ADGRL2: variants seen among roughly 807,000 people sequenced by gnomAD.
The protein encoded by ADGRL2 is calcium-independent alpha-latrotoxin receptor 2.
Under a neutral mutation model 157.4 loss-of-function variants are expected in ADGRL2, and 44 were observed. The observed-to-expected ratio is 0.28, with a 90% confidence interval of 0.22 to 0.36. ADGRL2 has a LOEUF of 0.36. Ranked by LOEUF, ADGRL2 falls within the 10% of genes least tolerant of loss-of-function variation. The pLI, the probability that ADGRL2 is intolerant of heterozygous loss-of-function variation, is 1.00. For missense variants in ADGRL2, 1,510 were observed against 1,768.9 expected (o/e 0.85, Z 2.63); for synonymous variants, 585 against 624.7 (o/e 0.94, Z 0.95).
At chr1:81,912,374 T>G (rs528152072) in intron 3 of ADGRL2, among the ~76,000 whole-genome samples, 1 of 152,288 alleles carries the variant, frequency 6.6e-6, no homozygotes, top group Non-Finnish European at 1.5e-5. Context: ...ACCCAGCCTA[T>G]GTTTCTTATT....
intron 1 of ADGRL2, chr1:81,721,876 G>C (rs1196729123): frequency 2.6e-6 from 2 of 762,418 alleles, no homozygotes; most frequent in Admixed American, 3.5e-5. Context: ...AAACCTGATA[G>C]TAAGAAGGTG....
intron 2 of ADGRL2, among the ~76,000 whole-genome samples, chr1:81,504,002 C>T (rs974268162): frequency 6.6e-6 from 1 of 152,154 alleles, no homozygotes; most frequent in African/African-American, 2.4e-5. Flanking sequence ...CTGTTAGGTT[C>T]CTGGGGTACG....
intron 1 of ADGRL2, among the ~76,000 whole-genome samples, chr1:81,804,665 C>A (rs2088840524): frequency 6.6e-6 from 1 of 152,184 alleles, no homozygotes; most frequent in African/African-American, 2.4e-5. Flanking sequence ...TGGTTTGTTC[C>A]TAGAAAAAGA....
chr1:81,574,675 A>G (rs2080762022), intron 2 of ADGRL2, among the ~76,000 whole-genome samples: 1 of 152,170 alleles, frequency 6.6e-6, no homozygotes, highest in Admixed American at 6.6e-5. Flanking sequence ...AAATTTTCTC[A>G]GGCTGCGTGG....
intron 1 of ADGRL2, among the ~76,000 whole-genome samples, chr1:81,735,899 C>G (rs2084882630): frequency 6.6e-6 from 1 of 151,808 alleles, no homozygotes; most frequent in African/African-American, 2.4e-5. Flanking sequence ...AATCCCAGCA[C>G]TTTGGGAGGC....
chr1:81,603,697 C>A (rs1178772303), intron 3 of ADGRL2, among the ~76,000 whole-genome samples: 2 of 152,166 alleles, frequency 1.3e-5, no homozygotes, highest in Non-Finnish European at 2.9e-5. Context: ...ATTGTGGAAA[C>A]TATTTTCTAA....
chr1:81,719,145 T>C (rs1438905673), intron 1 of ADGRL2, among the ~76,000 whole-genome samples: 1 of 152,268 alleles, frequency 6.6e-6, no homozygotes, highest in African/African-American at 2.4e-5. Flanking sequence ...CTTTAAAAGT[T>C]TGGTTTAAAC....
intron 1 of ADGRL2, among the ~76,000 whole-genome samples, chr1:81,423,385 A>G (rs546836867): frequency 6.6e-6 from 1 of 152,314 alleles, no homozygotes; most frequent in African/African-American, 2.4e-5. Flanking sequence ...TCTAGAACAC[A>G]GATGCAGGAC....
intron 2 of ADGRL2, among the ~76,000 whole-genome samples, chr1:81,879,698 A>G (rs2093936252): frequency 6.6e-6 from 1 of 152,140 alleles, no homozygotes; most frequent in Admixed American, 6.5e-5. Flanking sequence ...TAGCACTGTG[A>G]ACAAAAACAG....
intron 2 of ADGRL2, among the ~76,000 whole-genome samples, chr1:81,791,081 A>AG: frequency 6.6e-6 from 1 of 151,226 alleles, no homozygotes; most frequent in East Asian, 1.9e-4. Context: ...AAAAAAAAAA[A>AG]AAAAAAAAAA....
chr1:81,805,857 A>C (rs559117920), intron 1 of ADGRL2, among the ~76,000 whole-genome samples: 2 of 152,082 alleles, frequency 1.3e-5, no homozygotes, highest in Non-Finnish European at 2.9e-5. Flanking sequence ...TATTAGTGAT[A>C]ATCTAAAAAT....
At chr1:81,550,846 T>G (rs897493667) in intron 2 of ADGRL2, among the ~76,000 whole-genome samples, 6 of 151,768 alleles carry the variant, frequency 4.0e-5, no homozygotes, top group African/African-American at 1.5e-4. Context: ...AAAAAATTCA[T>G]TACTGCCTAT....
intron 1 of ADGRL2, among the ~76,000 whole-genome samples, chr1:81,324,918 T>C (rs780788364): frequency 3.3e-5 from 5 of 151,944 alleles, no homozygotes; most frequent in Non-Finnish European, 5.9e-5. Context: ...GGTTTTACAG[T>C]GTTGGCTAGG....
At chr1:81,803,440 C>T (rs1448108529) in intron 1 of ADGRL2, among the ~76,000 whole-genome samples, 1 of 152,008 alleles carries the variant, frequency 6.6e-6, no homozygotes, top group African/African-American at 2.4e-5. Context: ...TTTTTCCCCC[C>T]CTCCAATCCT....
At chr1:81,778,480 T>TC (rs1373262675) in intron 2 of ADGRL2, among the ~76,000 whole-genome samples, 2 of 152,162 alleles carry the variant, frequency 1.3e-5, no homozygotes, top group Non-Finnish European at 2.9e-5. Flanking sequence ...AAAGAACATC[T>TC]AAGAGTAGGC....
At chr1:81,610,692 A>T (rs571831265) in intron 3 of ADGRL2, among the ~76,000 whole-genome samples, 1 of 152,210 alleles carries the variant, frequency 6.6e-6, no homozygotes, top group East Asian at 1.9e-4. Flanking sequence ...TTTGTGGTCC[A>T]TAAAAGAGAT....
intron 2 of ADGRL2, among the ~76,000 whole-genome samples, chr1:81,784,798 C>T (rs1276322724): frequency 1.3e-5 from 2 of 150,228 alleles, no homozygotes; most frequent in Non-Finnish European, 3.0e-5. Flanking sequence ...TTCCGCTTTT[C>T]AATGTATGTG....
intron 3 of ADGRL2, among the ~76,000 whole-genome samples, chr1:81,649,803 C>A (rs887251722): frequency 9.9e-5 from 15 of 152,270 alleles, no homozygotes; most frequent in Admixed American, 5.9e-4. Flanking sequence ...TAAACGCATT[C>A]TCAGCCACTG....
chr1:81,327,160 C>T (rs1162224393), intron 1 of ADGRL2, among the ~76,000 whole-genome samples: 1 of 152,024 alleles, frequency 6.6e-6, no homozygotes, highest in Non-Finnish European at 1.5e-5. Context: ...ATTAGCACAT[C>T]GATGTTTTAT....
Sources: gnomAD v4.1 joint callset for allele counts (sites outside exome capture counted in the v4.1 genomes callset) on GRCh38, gnomAD v4.1.1 for gene constraint, MANE v1.5 for transcripts, NCBI Gene and HGNC (gene_info 2026-07-23, HGNC 2026-07-21) for gene names.